Variants in CCNG1 observed in about 807,000 individuals in gnomAD.
CCNG1 encodes the protein cyclin-G1.
Under a neutral mutation model 30.0 loss-of-function variants are expected in CCNG1, and 13 were observed. That is an observed-to-expected ratio of 0.43 (90% CI 0.28 to 0.69). The LOEUF is 0.69. Among genes scored for constraint, CCNG1 ranks in the 30% least tolerant of loss-of-function variants. The probability of loss-of-function intolerance (pLI) is 0.16; values close to 1 mark genes in which losing one functional copy is unlikely to be tolerated. For synonymous variants in CCNG1, 110 were observed against 121.5 expected (o/e 0.91, Z 0.62); for missense variants, 285 against 331.4 (o/e 0.86, Z 1.09).
chr5:163,454,825 G>C, the CCNG1 span, among the ~76,000 whole-genome samples: 1 of 152,042 alleles, frequency 6.6e-6, no homozygotes, highest in South Asian at 2.1e-4. Context: ...GAGACCATTA[G>C]AGGTATGTAG....
At chr5:163,451,061 G>A (rs1293250414), downstream of CCNG1, 2 of 152,186 alleles carry the variant, frequency 1.3e-5, no homozygotes, top group Non-Finnish European at 2.9e-5. Flanking sequence ...ATGATTCCAT[G>A]TACATGAAAT....
intron 6 of CCNG1, 43 bp from the exon 7 acceptor site, chr5:163,443,631 C>T: frequency 9.3e-7 from 1 of 1,077,962 alleles, no homozygotes; most frequent in South Asian, 1.4e-5. Context: ...GGCAGACTGG[C>T]TTCTGTTAAG....
At position 163,441,247 on chromosome 5, in the gene CCNG1, T is replaced by C. The variant is rs1178844087; in HGVS notation, c.434T>C (p.Val145Ala). ...MRMEKIVLEK[V>A]CWKVKATTAF... Reference sequence around the variant, plus strand: ...ATGGAAAAGATTGTATTGGAGAAGGTGTGTTGGAAAGTCAAAGCTACTACT... The same window carrying C: ...ATGGAAAAGATTGTATTGGAGAAGGCGTGTTGGAAAGTCAAAGCTACTACT... The change falls in exon 3 of 7, where the codon GTG becomes GCG. Residue 145 changes from valine to alanine, a missense_variant. By Grantham distance (64) the Val-to-Ala change is moderately conservative. Transcript: ENST00000340828. The C allele has an allele frequency of 1.2e-6, 2 of 1,613,970 alleles. No homozygotes were observed. Among genetic ancestry groups the C allele is most frequent in the Non-Finnish European group, 1.7e-6 (2 of 1,179,872 alleles).
chr5:163,441,143 A>G lies in CCNG1; in HGVS notation c.330A>G (p.Glu110=). 1 of 1,613,992 alleles carries G rather than the reference A, an allele frequency of 6.2e-7. No individual in the cohort carries two copies. The highest frequency in any genetic ancestry group is 2.2e-5 in the East Asian group (1 of 44,866). Residue 110 remains glutamate (E), a synonymous_variant, in exon 3 of 7, where the codon GAA becomes GAG. Transcript: ENST00000340828. ...TTTATTTGGCTGTAAAATCAATAGA[A>G]GAGGAAAGGAATGTCCCATTGGCAA... is the stretch of plus-strand genomic sequence containing the variant. The part of the protein sequence containing the change: ...SCFYLAVKSI[E]EERNVPLATD...
chr5:163,440,602 G>A (rs1414346863), intron 2 of CCNG1, among the ~76,000 whole-genome samples: 1 of 152,128 alleles, frequency 6.6e-6, no homozygotes, highest in African/African-American at 2.4e-5. Flanking sequence ...AGAACTCTTA[G>A]AGGCAGAGTA....
chr5:163,443,849 G>A lies in CCNG1; in HGVS notation c.*179G>A, dbSNP rs1237660922. On this transcript the variant is annotated 3_prime_UTR_variant, in exon 7 of 7. Coordinates refer to ENST00000340828, the MANE Select transcript of CCNG1 (RefSeq NM_004060.4). ...TTATGCTGTAGTGGAATTATGTTTA[G>A]ATTTGAATTCATCTGTGAAGCATTC... 1.5e-5 allele frequency: 9 copies of A among 611,962 alleles called. No homozygotes were observed. The highest frequency in any genetic ancestry group is 2.5e-5 in the Non-Finnish European group (9 of 364,218). 37.9% of individuals were successfully genotyped at this position (611,962 alleles called of 1,614,324 possible).
At chr5:163,441,027 T>C (rs371481376) in intron 2 of CCNG1, 51 bp from the exon 3 acceptor site, 2 of 1,544,002 alleles carry the variant, frequency 1.3e-6, no homozygotes, top group Non-Finnish European at 1.7e-6. Context: ...TATGTTTTAA[T>C]TGAAATAAGG....
Position 163,443,803 on chromosome 5 carries a change from A to G in CCNG1, c.*133A>G. Reference sequence around the variant, plus strand: ...CACGAGATAAGCATGATGGTCTCAGACTTGGGAAAACTGCCTAATATTATG... The same window carrying G: ...CACGAGATAAGCATGATGGTCTCAGGCTTGGGAAAACTGCCTAATATTATG... On this transcript the variant is annotated 3_prime_UTR_variant, in exon 7 of 7. Coordinates refer to ENST00000340828, the MANE Select transcript of CCNG1 (RefSeq NM_004060.4). 2.2e-6 allele frequency: 2 copies of G among 921,246 alleles called. No homozygotes were observed. Among genetic ancestry groups the G allele is most frequent in the Non-Finnish European group, 3.3e-6 (2 of 606,156 alleles). 57.1% of individuals were successfully genotyped at this position (921,246 alleles called of 1,614,324 possible).
the CCNG1 span, among the ~76,000 whole-genome samples, chr5:163,456,132 T>G: frequency 8.5e-5 from 13 of 152,156 alleles, no homozygotes; most frequent in Admixed American, 8.5e-4. Context: ...AGATGTTGAA[T>G]AGGCAACCGG....
chr5:163,442,980 G>C (rs1359980635), intron 6 of CCNG1, among the ~76,000 whole-genome samples: 1 of 152,120 alleles, frequency 6.6e-6, no homozygotes, highest in East Asian at 1.9e-4. Flanking sequence ...TAGCTTATAA[G>C]CAAAATCAAT....
chr5:163,457,067 C>T, the CCNG1 span: 580 of 1,603,088 alleles, frequency 3.6e-4, 1 homozygote, highest in Non-Finnish European at 4.5e-4. Context: ...CAATACGAAC[C>T]ATTTTTCTGT....
chr5:163,442,414 C>CCAAATG lies in CCNG1; in HGVS notation c.738_743dup (p.Lys247_Cys248dup). 6.2e-7 allele frequency: 1 copy of CCAAATG among 1,613,548 alleles called. No individual in the cohort carries two copies. The highest frequency in any genetic ancestry group is 8.5e-7 in the Non-Finnish European group (1 of 1,179,810). ...CTGACCTTCTGGCAAGAGCTTGTAT[C>CCAAATG]CAAATGTTTAACTGAATATTCATCA... is the stretch of plus-strand genomic sequence containing the variant. On this transcript the variant is annotated inframe_insertion, in exon 6 of 7. Transcript: ENST00000340828.
the CCNG1 span, among the ~76,000 whole-genome samples, chr5:163,454,716 C>T: frequency 6.6e-6 from 1 of 152,160 alleles, no homozygotes; most frequent in Admixed American, 6.5e-5. Flanking sequence ...AGATATTTAA[C>T]CCTCACAACA....
In CCNG1 at chr5:163,439,495, T is replaced by A; in HGVS notation, c.239T>A (p.Leu80Gln). Reference protein sequence around the residue: ...TETFSLAVNLLDRFLSKMKVQ... With the variant: ...TETFSLAVNLQDRFLSKMKVQ... ...ACATTTTCTCTAGCTGTGAATTTAC[T>A]GGACAGATTCCTGTCTAAAATGAAG... The change falls in exon 2 of 7, where the codon CTG (leucine) becomes CAG (glutamine). Residue 80 changes from leucine to glutamine, a missense_variant. By Grantham distance (113) the Leu-to-Gln change is moderately radical. Coordinates refer to ENST00000340828, the MANE Select transcript of CCNG1 (RefSeq NM_004060.4). The A allele has an allele frequency of 6.2e-7, 1 of 1,613,948 alleles. No individual in the cohort carries two copies. Among genetic ancestry groups the A allele is most frequent in the South Asian group, 1.1e-5 (1 of 91,060 alleles).
At chr5:163,449,369 C>G (rs889988183), downstream of CCNG1, 4 of 152,046 alleles carry the variant, frequency 2.6e-5, no homozygotes, top group African/African-American at 9.7e-5. Flanking sequence ...AATTGGAAAC[C>G]CATGTTTCAA....
chr5:163,450,494 T>C (rs1179983837), downstream of CCNG1: 1 of 151,818 alleles, frequency 6.6e-6, no homozygotes, highest in Non-Finnish European at 1.5e-5. Flanking sequence ...ATAAGACAAC[T>C]AAAAAAATGG....
the CCNG1 span, chr5:163,453,871 T>G: frequency 7.2e-6 from 4 of 559,238 alleles, no homozygotes. Flanking sequence ...ATCTGTTAAC[T>G]GTAGGCATCC....
At chr5:163,441,791 T>C (rs1233900286) in intron 3 of CCNG1, 95 bp from the exon 4 acceptor site, 2 of 728,862 alleles carry the variant, frequency 2.7e-6, no homozygotes, top group South Asian at 1.8e-5. Context: ...GTGCATAAGC[T>C]TTACTTTAAA....
chr5:163,456,375 T>C, the CCNG1 span, among the ~76,000 whole-genome samples: 1 of 152,116 alleles, frequency 6.6e-6, no homozygotes, highest in Admixed American at 6.6e-5. Context: ...AACAGCCAAA[T>C]AATGATGACA....
Sources: allele counts gnomAD v4.1 joint callset (sites outside exome capture counted in the v4.1 genomes callset), GRCh38; gene constraint gnomAD v4.1.1; transcripts MANE v1.5; gene names NCBI Gene and HGNC (gene_info 2026-07-23, HGNC 2026-07-21).